Variants in SH3PXD2B observed in about 807,000 individuals in gnomAD.
The protein encoded by SH3PXD2B is SH3 and PX domain-containing protein 2B.
Under a neutral mutation model 73.1 loss-of-function variants are expected in SH3PXD2B, and 37 were observed. The ratio of observed to expected loss-of-function variants is 0.51; its 90% confidence interval spans 0.39 to 0.67. SH3PXD2B has a LOEUF of 0.67. SH3PXD2B is among the 30% of genes least tolerant of loss of function. SH3PXD2B has a pLI of 0.00. For synonymous variants in SH3PXD2B, 457 were observed against 480.5 expected, an observed-to-expected ratio of 0.95 and a Z score of 0.64; for missense variants, 1,053 against 1,197.8, an observed-to-expected ratio of 0.88 and a Z score of 1.78.
chr5:172,375,209 A>T (rs1224033930), intron 5 of SH3PXD2B, among the ~76,000 whole-genome samples: 2 of 151,990 alleles, frequency 1.3e-5, no homozygotes, highest in African/African-American at 4.8e-5. Context: ...AAAATACAAA[A>T]ATGAGCCAGG....
intron 1 of SH3PXD2B, among the ~76,000 whole-genome samples, chr5:172,450,437 TATATAG>T (rs1759770125): frequency 1.3e-5 from 2 of 152,128 alleles, no homozygotes; most frequent in South Asian, 4.2e-4. Context: ...ACTTGGAAGG[TATATAG>T]ATATAGATAG....
intron 3 of SH3PXD2B, among the ~76,000 whole-genome samples, chr5:172,399,272 G>T (rs1001845185): frequency 6.6e-6 from 1 of 152,176 alleles, no homozygotes; most frequent in East Asian, 1.9e-4. Context: ...TCCTGAGGCC[G>T]TTACAGTGTT....
rs933967904 is a variant in SH3PXD2B at position 172,335,177 on chromosome 5, C to T, written c.*3192G>A. On this transcript the variant is annotated 3_prime_UTR_variant, in exon 13 of 13. Transcript: ENST00000311601. ...ATTTTTGGAGGTACCGCAAGCTGTCCGTTTGCCCTGGGATGTAAGGTAAAG... is the reference window on the plus strand; with the variant it reads ...ATTTTTGGAGGTACCGCAAGCTGTCTGTTTGCCCTGGGATGTAAGGTAAAG... 1.8e-5 allele frequency: 18 copies of T among 994,614 alleles called. No individual in the cohort carries two copies. The highest frequency in any genetic ancestry group is 1.4e-4 in the African/African-American group (8 of 57,576). The allele number at this position is 994,614 out of a possible 1,614,324, so 61.6% of individuals were successfully genotyped here. A position where few individuals can be genotyped will look rare whatever the true frequency, so the allele number is the denominator to read the frequency against.
chr5:172,333,681 G>A lies in SH3PXD2B; in HGVS notation c.*4688C>T. ...AGGAAACAAAAACCACCACCGGAAT[G>A]CCAATTTGCCAAGAGGGTAGAGTAA... On this transcript the variant is annotated 3_prime_UTR_variant, in exon 13 of 13. Transcript: ENST00000311601. 7.8e-7 allele frequency: 1 copy of A among 1,289,436 alleles called. No homozygotes were observed. The highest frequency in any genetic ancestry group is 1.2e-5 in the South Asian group (1 of 81,018). 79.9% of individuals were successfully genotyped at this position (1,289,436 alleles called of 1,614,324 possible).
chr5:172,375,458 C>T (rs1046608850), intron 5 of SH3PXD2B, among the ~76,000 whole-genome samples: 2 of 152,158 alleles, frequency 1.3e-5, no homozygotes, highest in African/African-American at 4.8e-5. Context: ...ATCACCAGAC[C>T]ACTTTCATCA....
At chr5:172,355,209 G>A (rs377451086) in intron 8 of SH3PXD2B, among the ~76,000 whole-genome samples, 2 of 152,368 alleles carry the variant, frequency 1.3e-5, no homozygotes, top group East Asian at 3.9e-4. Context: ...TCCGCGGCCT[G>A]CCCAGCTGGT....
chr5:172,337,619 C>G lies in SH3PXD2B; in HGVS notation c.*750G>C, dbSNP rs969727825. ...TGCTCCAAGTTGGGGTGGGAACTCT[C>G]ATTGAAAAGCCCTGGAGGGACCGGA... On this transcript the variant is annotated 3_prime_UTR_variant, in exon 13 of 13. Coordinates refer to ENST00000311601, the MANE Select transcript of SH3PXD2B (RefSeq NM_001017995.3). 8 of 985,422 alleles carry G rather than the reference C, an allele frequency of 8.1e-6. No individual in the cohort carries two copies. The highest frequency in any genetic ancestry group is 7.2e-6 in the Non-Finnish European group (6 of 830,012). 61.0% of individuals were successfully genotyped at this position (985,422 alleles called of 1,614,324 possible).
At chr5:172,330,360 T>C (rs1170996963), downstream of SH3PXD2B, among the ~76,000 whole-genome samples, 1 of 152,188 alleles carries the variant, frequency 6.6e-6, no homozygotes, top group African/African-American at 2.4e-5. Context: ...GTGGCTAAGG[T>C]TAGACAGGCA....
At position 172,338,535 on chromosome 5, in the gene SH3PXD2B, G is replaced by A. The variant is rs1317918408; in HGVS notation, c.2570C>T (p.Ala857Val). 11 of 1,614,042 alleles carry A rather than the reference G, an allele frequency of 6.8e-6. No homozygotes were observed. Among genetic ancestry groups the A allele is most frequent in the Admixed American group, 5.0e-5 (3 of 59,992 alleles). ...ADGLKDSLYV[A>V]VADFEGDKDT... ...TTTGTCTCCTTCAAAGTCGGCCACGGCCACATACAAAGAGTCCTTCAGGCC... is the reference window on the plus strand; with the variant it reads ...TTTGTCTCCTTCAAAGTCGGCCACGACCACATACAAAGAGTCCTTCAGGCC... Residue 857 changes from alanine (A) to valine (V), a missense_variant, in exon 13 of 13, where the codon GCC becomes GTC. Transcript: ENST00000311601. This position sits in a 1 kb window ranked among gnomAD's most constrained non-coding sequence, Gnocchi z 5.1.
At chr5:172,379,279 G>C (rs1757889141) in intron 5 of SH3PXD2B, among the ~76,000 whole-genome samples, 1 of 142,618 alleles carries the variant, frequency 7.0e-6, no homozygotes, top group African/African-American at 2.7e-5. Context: ...GACCAGCCTG[G>C]ACAACATAGC....
At chr5:172,343,280 A>G (rs140899079) in intron 12 of SH3PXD2B, among the ~76,000 whole-genome samples, 47 of 152,334 alleles carry the variant, frequency 3.1e-4, no homozygotes, top group Non-Finnish European at 6.5e-4. Flanking sequence ...TGGGCATACG[A>G]GTCATCGTCA....
chr5:172,370,369 G>A (rs578181533), intron 6 of SH3PXD2B, among the ~76,000 whole-genome samples: 21 of 152,330 alleles, frequency 1.4e-4, no homozygotes, highest in African/African-American at 4.6e-4. Context: ...TGCGCTGGGC[G>A]TTTCTGCACT....
chr5:172,336,536 G>C lies in SH3PXD2B; in HGVS notation c.*1833C>G, dbSNP rs1320480411. 5 of 986,040 alleles carry C rather than the reference G, an allele frequency of 5.1e-6. No individual in the cohort carries two copies. The highest frequency in any genetic ancestry group is 4.7e-5 in the South Asian group (1 of 21,292). The allele number at this position is 986,040 out of a possible 1,614,324, so 61.1% of individuals were successfully genotyped here. ...GAAGCAGCCAGCACCCACGTGATAG[G>C]GGGTGGAGCTGGGAGGCGCGGCAGA... On this transcript the variant is annotated 3_prime_UTR_variant, in exon 13 of 13. Coordinates refer to ENST00000311601, the MANE Select transcript of SH3PXD2B (RefSeq NM_001017995.3).
intron 2 of SH3PXD2B, among the ~76,000 whole-genome samples, chr5:172,408,142 A>G (rs1458300728): frequency 6.7e-6 from 1 of 148,484 alleles, no homozygotes; most frequent in African/African-American, 2.5e-5. Context: ...AAACTTTTAA[A>G]CTGTGGGTTT....
chr5:172,422,398 G>C lies in SH3PXD2B; in HGVS notation c.156+18C>G. ...CTCTTTCCGATCCTGCAGCTCACCAGAGACCTCAAATCCTTACCTGGAGGT... is the reference window on the plus strand; with the variant it reads ...CTCTTTCCGATCCTGCAGCTCACCACAGACCTCAAATCCTTACCTGGAGGT... On this transcript the variant is annotated intron_variant, in intron 2 of 12. Coordinates refer to ENST00000311601, the MANE Select transcript of SH3PXD2B (RefSeq NM_001017995.3). The C allele has an allele frequency of 6.3e-7, 1 of 1,597,626 alleles. No homozygotes were observed. The highest frequency in any genetic ancestry group is 1.3e-5 in the African/African-American group (1 of 74,916).
chr5:172,369,661 G>A (rs1406829151), intron 6 of SH3PXD2B, among the ~76,000 whole-genome samples: 4 of 152,032 alleles, frequency 2.6e-5, no homozygotes, highest in Non-Finnish European at 4.4e-5. Flanking sequence ...CCAGCTACTC[G>A]GGAGGCTGAG....
chr5:172,366,953 T>TTTTTC (rs1561907054), intron 6 of SH3PXD2B, among the ~76,000 whole-genome samples: 2 of 123,406 alleles, frequency 1.6e-5, no homozygotes, highest in African/African-American at 9.0e-5. Flanking sequence ...TTTTTTTTTT[T>TTTTTC]GGGGACAGAG....
chr5:172,372,135 A>G lies in SH3PXD2B; in HGVS notation c.427+1655T>C, dbSNP rs113996878. 5.8e-3 allele frequency among the ~76,000 whole-genome samples: 878 copies of G among 152,196 alleles called. 9 individuals carry two copies. The highest frequency in any genetic ancestry group is 0.02 in the African/African-American group (832 of 41,524). ...TGGAGCTTTTGAATTTGGAATTTCTACTTGATATGGTTTGGATCTGCGTCC... is the reference window on the plus strand; with the variant it reads ...TGGAGCTTTTGAATTTGGAATTTCTGCTTGATATGGTTTGGATCTGCGTCC... On this transcript the variant is annotated intron_variant, in intron 6 of 12. Transcript: ENST00000311601.
At chr5:172,414,580 G>A (rs979542745) in intron 2 of SH3PXD2B, among the ~76,000 whole-genome samples, 31 of 152,050 alleles carry the variant, frequency 2.0e-4, no homozygotes, top group African/African-American at 7.2e-4. Flanking sequence ...AGGCATAGAT[G>A]GAGATGCAGC....
Sources: allele counts gnomAD v4.1 joint callset (sites outside exome capture counted in the v4.1 genomes callset), GRCh38; gene constraint gnomAD v4.1.1; non-coding constraint Gnocchi (gnomAD v3.1); transcripts MANE v1.5; gene names NCBI Gene and HGNC (gene_info 2026-07-23, HGNC 2026-07-21).